LRP1B: variants seen among roughly 807,000 people sequenced by gnomAD.
LRP1B encodes LDL receptor related protein 1B.
Under a neutral mutation model 556.6 loss-of-function variants are expected in LRP1B, and 217 were observed. The ratio of observed to expected loss-of-function variants is 0.39; its 90% CI spans 0.35 to 0.44. LRP1B has a LOEUF of 0.44. LRP1B is among the 20% of genes least tolerant of loss of function. LRP1B has a pLI of 1.00. For missense variants in LRP1B, 5,053 were observed against 5,620.8 expected, an observed-to-expected ratio of 0.90 and a Z score of 3.23; for synonymous variants, 2,047 against 1,865.8, an observed-to-expected ratio of 1.10 and a Z score of -2.50.
At chr2:141,024,708 A>G (rs1347879421) in intron 11 of LRP1B, among the ~76,000 whole-genome samples, 1 of 152,046 alleles carries the variant, frequency 6.6e-6, no homozygotes, top group East Asian at 1.9e-4. Context: ...TAGAAGACAC[A>G]AGACTTGTGG....
At chr2:141,711,328 A>C (rs560387637) in intron 2 of LRP1B, among the ~76,000 whole-genome samples, 155 of 152,348 alleles carry the variant, frequency 1.0e-3, no homozygotes, top group African/African-American at 3.6e-3. Flanking sequence ...GAAGTCAAGT[A>C]GTTCAACTAG....
At chr2:141,449,273 A>G (rs531693201) in intron 3 of LRP1B, among the ~76,000 whole-genome samples, 1 of 152,314 alleles carries the variant, frequency 6.6e-6, no homozygotes, top group East Asian at 1.9e-4. Flanking sequence ...GACATCTTCC[A>G]GCATGTAATT....
intron 2 of LRP1B, among the ~76,000 whole-genome samples, chr2:141,722,974 C>CG (rs1366357948): frequency 6.6e-6 from 1 of 152,062 alleles, no homozygotes; most frequent in East Asian, 1.9e-4. Context: ...TGGTGGCTTG[C>CG]GTGTTTTTGC....
chr2:141,315,816 C>G (rs1687008263), intron 3 of LRP1B, among the ~76,000 whole-genome samples: 1 of 142,882 alleles, frequency 7.0e-6, no homozygotes. Context: ...TCTGGGATTA[C>G]CTGATACTGC....
intron 3 of LRP1B, among the ~76,000 whole-genome samples, chr2:141,456,716 G>C (rs902161119): frequency 6.6e-6 from 1 of 152,196 alleles, no homozygotes; most frequent in African/African-American, 2.4e-5. Flanking sequence ...GCTTCAAAAG[G>C]TAAGTAAGCA....
At chr2:140,356,296 A>G (rs2105129442) in intron 75 of LRP1B, 46 bp downstream of exon 75, 1 of 1,597,530 alleles carries the variant, frequency 6.3e-7, no homozygotes, top group Non-Finnish European at 8.6e-7. Flanking sequence ...GGGAATCTTC[A>G]TAACCCAAAG....
At chr2:140,820,684 G>A (rs981406575) in intron 31 of LRP1B, among the ~76,000 whole-genome samples, 3 of 152,054 alleles carry the variant, frequency 2.0e-5, no homozygotes, top group African/African-American at 7.2e-5. Context: ...TTTATAGCTT[G>A]ATAAGTAAAA....
intron 86 of LRP1B, among the ~76,000 whole-genome samples, chr2:140,256,399 A>G (rs1348088155): frequency 2.4e-5 from 2 of 82,320 alleles, no homozygotes; most frequent in Admixed American, 1.1e-4. Context: ...TACAGTTTTA[A>G]TTTTTCTATT....
intron 7 of LRP1B, among the ~76,000 whole-genome samples, chr2:141,153,252 T>G (rs1701969422): frequency 7.6e-6 from 1 of 131,840 alleles, no homozygotes; most frequent in Admixed American, 9.0e-5. Context: ...TATATATAAT[T>G]TATATATATT....
intron 3 of LRP1B, among the ~76,000 whole-genome samples, chr2:141,434,810 T>C (rs1680696025): frequency 6.6e-6 from 1 of 152,212 alleles, no homozygotes; most frequent in Non-Finnish European, 1.5e-5. Context: ...AAAATAATTC[T>C]GAAAACTCTA....
intron 31 of LRP1B, among the ~76,000 whole-genome samples, chr2:140,814,544 T>C (rs1691038861): frequency 6.6e-6 from 1 of 152,228 alleles, no homozygotes; most frequent in Admixed American, 6.5e-5. Flanking sequence ...TAATGTGTAA[T>C]GACTCATTTG....
rs1277296806 is a variant in LRP1B at position 140,850,085 on chromosome 2, A to T, written c.4939+17T>A. ...TAACAAACACTTTTAAAGTTGTAACATGTACGAATCTTTTACCTCTTGAAA... is the reference window on the plus strand; with the variant it reads ...TAACAAACACTTTTAAAGTTGTAACTTGTACGAATCTTTTACCTCTTGAAA... On this transcript the variant is annotated intron_variant, in intron 29 of 90. Coordinates refer to ENST00000389484, the MANE Select transcript of LRP1B (RefSeq NM_018557.3). 2 of 1,463,264 alleles carry T rather than the reference A, an allele frequency of 1.4e-6. No homozygotes were observed. The highest frequency in any genetic ancestry group is 9.6e-7 in the Non-Finnish European group (1 of 1,046,290). The allele number at this position is 1,463,264 out of a possible 1,614,324, so 90.6% of individuals were successfully genotyped here. A position where few individuals can be genotyped will look rare whatever the true frequency, so the allele number is the denominator to read the frequency against.
intron 1 of LRP1B, among the ~76,000 whole-genome samples, chr2:141,852,061 T>A (rs1697881201): frequency 6.6e-6 from 1 of 151,740 alleles, no homozygotes; most frequent in Non-Finnish European, 1.5e-5. Flanking sequence ...CTAATTTTTA[T>A]CCCCCTACTA....
rs375059077 is a variant in LRP1B, at chr2:140,431,872, C to T, written c.10414+10632G>A. Reference sequence around the variant, plus strand: ...TTCCCACACCGCCCCTAATCCCTCTCGAAGCAGCCCTGAGAAACATCTCCC... The same window carrying T: ...TTCCCACACCGCCCCTAATCCCTCTTGAAGCAGCCCTGAGAAACATCTCCC... On this transcript the variant is annotated intron_variant, in intron 66 of 90. Transcript: ENST00000389484. Among the ~76,000 whole-genome samples, 293 of 152,236 alleles carry T rather than the reference C, an allele frequency of 1.9e-3. 2 individuals are homozygous for T. The highest frequency in any genetic ancestry group is 5.6e-3 in the South Asian group (27 of 4,830).
chr2:141,895,816 T>C (rs1032089793), intron 1 of LRP1B, among the ~76,000 whole-genome samples: 10 of 152,298 alleles, frequency 6.6e-5, no homozygotes, highest in African/African-American at 2.4e-4. Context: ...TGAGAAAGAA[T>C]CTTTGGTTTT....
intron 2 of LRP1B, among the ~76,000 whole-genome samples, chr2:141,549,792 C>G (rs1400224813): frequency 6.6e-6 from 1 of 152,040 alleles, no homozygotes; most frequent in Non-Finnish European, 1.5e-5. Flanking sequence ...GTCAAGAGTT[C>G]GAGACCAGAC....
intron 66 of LRP1B, among the ~76,000 whole-genome samples, chr2:140,411,901 G>A (rs1387928797): frequency 1.3e-5 from 2 of 151,994 alleles, no homozygotes; most frequent in African/African-American, 4.8e-5. Context: ...AAAGAATCCT[G>A]TAAATTAATT....
chr2:140,815,894 T>C (rs955029475), intron 31 of LRP1B, among the ~76,000 whole-genome samples: 1 of 149,914 alleles, frequency 6.7e-6, no homozygotes, highest in African/African-American at 2.5e-5. Context: ...GGATCTGAGT[T>C]CACCAGAGTC....
chr2:141,436,913 AC>A (rs1383453578), intron 3 of LRP1B, among the ~76,000 whole-genome samples: 1 of 152,146 alleles, frequency 6.6e-6, no homozygotes, highest in African/African-American at 2.4e-5. Context: ...AATGAAAAGC[AC>A]CTTTTGGATG....
Sources: gnomAD v4.1 joint callset for allele counts (sites outside exome capture counted in the v4.1 genomes callset) on GRCh38, gnomAD v4.1.1 for gene constraint, MANE v1.5 for transcripts, NCBI Gene and HGNC (gene_info 2026-07-23, HGNC 2026-07-21) for gene names.